The following MYOM2 variants were observed in gnomAD, a reference collection of about 807,000 sequenced individuals.
The protein encoded by MYOM2 is myomesin 2, also known as myomesin-2.
In MYOM2, 254 loss-of-function variants were observed where a neutral mutation model predicts 187.6. The ratio of observed to expected loss-of-function variants is 1.35; its 90% CI spans 1.22 to 1.50. MYOM2 has a LOEUF of 1.50. Ranked by LOEUF, MYOM2 falls within the 40% of genes most tolerant of loss-of-function variation. The pLI is 0.00. For missense variants in MYOM2, 2,796 were observed against 1,924.0 expected, an observed-to-expected ratio of 1.45 and a Z score of -8.48; for synonymous variants, 981 against 753.8, an observed-to-expected ratio of 1.30 and a Z score of -4.94.
At chr8:2,047,332 G>A (rs1437907714) in intron 1 of MYOM2, among the ~76,000 whole-genome samples, 1 of 152,150 alleles carries the variant, frequency 6.6e-6, no homozygotes, top group African/African-American at 2.4e-5. Context: ...TCTAACATAG[G>A]AAGTCCCCCA....
rs138045217 is a variant in MYOM2, at chr8:2,117,938, C to A, written c.3439C>A (p.Arg1147=). Residue 1147 remains arginine (R), a synonymous_variant, in exon 28 of 37, where the codon CGA becomes AGA. Transcript: ENST00000262113. ...HWDVTEECEV[R]LVCKVANTKK... ...GGATGTCACGGAAGAATGTGAAGTT[C>A]GACTTGTTTGCAAGGTGAGAAACCC... 6.2e-7 allele frequency: 1 copy of A among 1,612,690 alleles called. No homozygotes were observed. Among genetic ancestry groups the A allele is most frequent in the African/African-American group, 1.3e-5 (1 of 74,778 alleles).
chr8:2,110,704 G>T (rs1343357886), intron 25 of MYOM2, among the ~76,000 whole-genome samples: 1 of 152,200 alleles, frequency 6.6e-6, no homozygotes, highest in African/African-American at 2.4e-5. Context: ...TAGGGGAACT[G>T]TGGGATGCAG....
In MYOM2 at chr8:2,057,757, A is replaced by G. The variant is rs779498611; in HGVS notation, c.537A>G (p.Gly179=). 1.2e-6 allele frequency: 2 copies of G among 1,614,000 alleles called. No homozygotes were observed. The highest frequency in any genetic ancestry group is 1.3e-5 in the African/African-American group (1 of 74,968). ...TGAAACTCTGCTTCACCGTGCAAGG[A>G]TTTCCCACGCCCGTGGTGCAGTGGT... ...MSVKLCFTVQ[G]FPTPVVQWYK... The change falls in exon 5 of 37, where the codon GGA becomes GGG. Residue 179 remains glycine, a synonymous_variant. Transcript: ENST00000262113.
chr8:2,133,471 C>T (rs1797946604), intron 32 of MYOM2, among the ~76,000 whole-genome samples: 1 of 152,136 alleles, frequency 6.6e-6, no homozygotes, highest in African/African-American at 2.4e-5. Flanking sequence ...ATCTACCTGC[C>T]TCCGACAGAG....
intron 14 of MYOM2, among the ~76,000 whole-genome samples, chr8:2,086,675 C>G (rs2116714002): frequency 6.6e-6 from 1 of 152,398 alleles, no homozygotes; most frequent in South Asian, 2.1e-4. Flanking sequence ...TGCGTCCTAG[C>G]TGGGCGTTGC....
chr8:2,135,867 G>T (rs1280195439), intron 32 of MYOM2, among the ~76,000 whole-genome samples: 1 of 152,202 alleles, frequency 6.6e-6, no homozygotes, highest in African/African-American at 2.4e-5. Flanking sequence ...TGAGCACTAG[G>T]ACGTGTTTGG....
intron 1 of MYOM2, 141 bp from the exon 2 acceptor site, chr8:2,050,614 C>A (rs1435113346): frequency 2.8e-5 from 15 of 530,318 alleles, no homozygotes; most frequent in Non-Finnish European, 4.8e-5. Flanking sequence ...TGATTTCTGG[C>A]CATGTAATCT....
At chr8:2,052,618 G>C (rs1818530493) in intron 3 of MYOM2, among the ~76,000 whole-genome samples, 1 of 152,236 alleles carries the variant, frequency 6.6e-6, no homozygotes, top group East Asian at 1.9e-4. Flanking sequence ...GCATGTCCCA[G>C]CTGGGCTTAG....
At chr8:2,114,994 A>G (rs1049252386) in intron 25 of MYOM2, among the ~76,000 whole-genome samples, 2 of 152,156 alleles carry the variant, frequency 1.3e-5, no homozygotes, top group African/African-American at 4.8e-5. Flanking sequence ...ATTGGTTTGA[A>G]ACAGTTCTAA....
rs1796683008 is a variant in MYOM2 at position 2,100,862 on chromosome 8, A to G, written c.2441-14A>G. ...GCTATGCGCGCAGAAACAAGGTGGCATCTGACTTCACAGGTCCTGCCTACG... is the reference window on the plus strand; with the variant it reads ...GCTATGCGCGCAGAAACAAGGTGGCGTCTGACTTCACAGGTCCTGCCTACG... On this transcript the variant is annotated splice_polypyrimidine_tract_variant and intron_variant, in intron 19 of 36. Transcript: ENST00000262113. 6 of 1,613,710 alleles carry G rather than the reference A, an allele frequency of 3.7e-6. No homozygotes were observed. The highest frequency in any genetic ancestry group is 1.1e-5 in the South Asian group (1 of 91,064).
intron 32 of MYOM2, among the ~76,000 whole-genome samples, chr8:2,132,575 C>T (rs1371094145): frequency 1.4e-5 from 2 of 145,008 alleles, no homozygotes; most frequent in African/African-American, 5.5e-5. Flanking sequence ...AAATTGCAGT[C>T]TCTCTTTCTC....
intron 31 of MYOM2, among the ~76,000 whole-genome samples, chr8:2,126,886 A>T (rs1470546629): frequency 1.5e-5 from 1 of 65,754 alleles, no homozygotes; most frequent in East Asian, 6.1e-4. Context: ...GGGAGCATTG[A>T]GAGAGGCTGA....
At chr8:2,063,554 T>A (rs555160415) in intron 6 of MYOM2, among the ~76,000 whole-genome samples, 1 of 152,386 alleles carries the variant, frequency 6.6e-6, no homozygotes, top group South Asian at 2.1e-4. Flanking sequence ...TATCTGGTTT[T>A]CTATCAGTAA....
rs531148599 is a variant in MYOM2 at position 2,092,380 on chromosome 8, C to T, written c.1863C>T (p.Ser621=). ...CTGCTCCGGGTCGGGTTCTTGCTTCCCGAAACACCAAGACGTCGGTGGTGG... is the reference window on the plus strand; with the variant it reads ...CTGCTCCGGGTCGGGTTCTTGCTTCTCGAAACACCAAGACGTCGGTGGTGG... ...VPSAPGRVLA[S]RNTKTSVVVQ... Residue 621 remains serine (S), a synonymous_variant, in exon 16 of 37, where the codon TCC becomes TCT. Transcript: ENST00000262113. The T allele has an allele frequency of 3.7e-6, 6 of 1,614,116 alleles. No individual in the cohort carries two copies. The East Asian group carries it at 1.3e-4, about 36-fold the overall frequency.
rs184400449 is a variant in MYOM2, at chr8:2,142,916, C to T, written c.4025-485C>T. Among the ~76,000 whole-genome samples the T allele has an allele frequency of 4.2e-4, 64 of 151,964 alleles. 3 individuals carry two copies. The East Asian group carries it at 9.9e-3, about 24-fold the overall frequency. On this transcript the variant is annotated intron_variant, in intron 35 of 36. Transcript: ENST00000262113. Reference sequence around the variant, plus strand: ...GATTACAGGCACCCGCCATCATGCCCGGCTAATTTTTGTATTTTTAGTAGA... The same window carrying T: ...GATTACAGGCACCCGCCATCATGCCTGGCTAATTTTTGTATTTTTAGTAGA...
Position 2,090,266 on chromosome 8 carries a change from G to A in MYOM2, c.1828+75G>A, listed in dbSNP as rs1022553583. The A allele has an allele frequency of 7.6e-5, 107 of 1,407,334 alleles. 2 individuals carry two copies. The highest frequency in any genetic ancestry group is 5.3e-4 in the South Asian group (40 of 74,938). The allele number at this position is 1,407,334 out of a possible 1,614,324, so 87.2% of individuals were successfully genotyped here. ...GTGACACCAAATAGCCTTAAATTGT[G>A]TGAATAAAGACATTAATGTTATAAA... is the stretch of plus-strand genomic sequence containing the variant. On this transcript the variant is annotated intron_variant, in intron 15 of 36. Transcript: ENST00000262113.
At chr8:2,068,090 T>C (rs1033256852) in intron 6 of MYOM2, among the ~76,000 whole-genome samples, 2 of 152,180 alleles carry the variant, frequency 1.3e-5, no homozygotes, top group African/African-American at 4.8e-5. Flanking sequence ...CATTAAAGGA[T>C]GGAGAGCATC....
chr8:2,063,631 T>C (rs1334579676), intron 6 of MYOM2, among the ~76,000 whole-genome samples: 1 of 152,258 alleles, frequency 6.6e-6, no homozygotes, highest in Non-Finnish European at 1.5e-5. Flanking sequence ...TACTTTATTT[T>C]TAGAGCTTGA....
rs555151076 is a variant in MYOM2 at position 2,046,410 on chromosome 8, A to T, written c.-13+1242A>T. 2.5e-4 allele frequency among the ~76,000 whole-genome samples: 38 copies of T among 152,254 alleles called. No individual in the cohort carries two copies. In the South Asian group the frequency reaches 7.5e-3, roughly 30 times the overall value. On this transcript the variant is annotated intron_variant, in intron 1 of 36. Transcript: ENST00000262113. Reference sequence around the variant, plus strand: ...TGGCCGGGGAGCTGGGCTGTGGTGGAAAGTGGGCTGGACGCTGTCAGGAGA... The same window carrying T: ...TGGCCGGGGAGCTGGGCTGTGGTGGTAAGTGGGCTGGACGCTGTCAGGAGA...
Sources: allele counts gnomAD v4.1 joint callset (sites outside exome capture counted in the v4.1 genomes callset), GRCh38; gene constraint gnomAD v4.1.1; transcripts MANE v1.5; gene names NCBI Gene and HGNC (gene_info 2026-07-23, HGNC 2026-07-21).